Variants in MYO9A observed in about 807,000 individuals in gnomAD.
MYO9A encodes the protein unconventional myosin-IXa.
In MYO9A, 103 loss-of-function variants were observed where a neutral mutation model predicts 293.3. The ratio of observed to expected loss-of-function variants is 0.35; its 90% CI spans 0.30 to 0.41. MYO9A has a LOEUF of 0.41. MYO9A is among the 10% of genes least tolerant of loss of function. The pLI is 1.00. For synonymous variants in MYO9A, 1,001 were observed against 1,035.7 expected (o/e 0.97, Z 0.64); for missense variants, 2,685 against 3,033.0 (o/e 0.89, Z 2.69).
At chr15:71,956,330 A>AAAAAAAAAAAATATATATATAT (rs10642655) in intron 14 of MYO9A, among the ~76,000 whole-genome samples, 2 of 75,574 alleles carry the variant, frequency 2.6e-5, no homozygotes, top group African/African-American at 1.2e-4. Flanking sequence ...AAAAAAAAAA[A>AAAAAAAAAAAATATATATATAT]ATATATATAT....
rs79886602 is a variant in MYO9A at position 71,956,881 on chromosome 15, A to G, written c.2182+3020T>C. On this transcript the variant is annotated intron_variant, in intron 14 of 41. Coordinates refer to ENST00000356056, the MANE Select transcript of MYO9A (RefSeq NM_006901.4). ...CACAAATATATATATATATATATAT[A>G]TATCTTAATGCTTTCAAGGTTCATT... Among the ~76,000 whole-genome samples the G allele has an allele frequency of 2.0e-3, 258 of 129,298 alleles. 7 individuals are homozygous for G. The East Asian group carries it at 0.04, about 20-fold the overall frequency. The allele number at this position is 129,298 out of a possible 152,430, so 84.8% of individuals were successfully genotyped here.
rs1224541147 is a variant in MYO9A, at chr15:72,117,755, T to G, written c.-147A>C. The G allele has an allele frequency of 1.5e-5, 6 of 397,122 alleles. No individual in the cohort carries two copies. Among genetic ancestry groups the G allele is most frequent in the Admixed American group, 4.4e-5 (1 of 22,658 alleles). 24.6% of individuals were successfully genotyped at this position (397,122 alleles called of 1,614,324 possible). A position where few individuals can be genotyped will look rare whatever the true frequency, so the allele number is the denominator to read the frequency against. ...CTGCCTTCCACCCTCCGCCCCAGGG[T>G]AGGACCGGAGATGGCAGAAGAGGCC... On this transcript the variant is annotated 5_prime_UTR_variant, in exon 1 of 42. Transcript: ENST00000356056.
At chr15:72,105,474 G>A (rs958816268) in intron 1 of MYO9A, among the ~76,000 whole-genome samples, 3 of 147,622 alleles carry the variant, frequency 2.0e-5, no homozygotes, top group African/African-American at 7.5e-5. Flanking sequence ...CAACCTTACT[G>A]CCTCAGCCTC....
intron 1 of MYO9A, among the ~76,000 whole-genome samples, chr15:72,096,507 C>T (rs928264198): frequency 2.6e-5 from 4 of 152,180 alleles, no homozygotes; most frequent in African/African-American, 9.7e-5. Flanking sequence ...AATACTACTG[C>T]TTATTGACAA....
chr15:72,011,087 G>A (rs1421085661), intron 6 of MYO9A, among the ~76,000 whole-genome samples: 3 of 151,452 alleles, frequency 2.0e-5, no homozygotes, highest in African/African-American at 7.3e-5. Flanking sequence ...TTGGCTCACT[G>A]CAGCTTCGAC....
At chr15:71,963,806 G>A (rs1484034618) in intron 13 of MYO9A, among the ~76,000 whole-genome samples, 1 of 152,118 alleles carries the variant, frequency 6.6e-6, no homozygotes, top group African/African-American at 2.4e-5. Flanking sequence ...ATTATTTCTT[G>A]AGATCCATTA....
chr15:72,008,574 C>A (rs2077086985), intron 7 of MYO9A, among the ~76,000 whole-genome samples: 1 of 151,468 alleles, frequency 6.6e-6, no homozygotes, highest in African/African-American at 2.4e-5. Flanking sequence ...TTCATATGGA[C>A]CCTCCGTTAT....
intron 1 of MYO9A, among the ~76,000 whole-genome samples, chr15:72,060,724 T>G (rs1053189828): frequency 3.9e-5 from 6 of 152,186 alleles, no homozygotes; most frequent in Non-Finnish European, 8.8e-5. Context: ...CAAGCTAAAG[T>G]ACTCTGGGAT....
Position 72,019,075 on chromosome 15 carries a change from T to C in MYO9A, c.1119A>G (p.Arg373=). The part of the protein sequence containing the change: ...YLNQITKKPL[R]QSWDDYCYDS... ...CATAGCAATAATCATCCCAGCTCTGTCTGAGGGGTTTCTTTGTTATCTGAA... is the reference window on the plus strand; with the variant it reads ...CATAGCAATAATCATCCCAGCTCTGCCTGAGGGGTTTCTTTGTTATCTGAA... Residue 373 remains arginine (R), a synonymous_variant, in exon 6 of 42, where the codon AGA becomes AGG. Coordinates refer to ENST00000356056, the MANE Select transcript of MYO9A (RefSeq NM_006901.4). 6.2e-7 allele frequency: 1 copy of C among 1,613,824 alleles called. No individual in the cohort carries two copies. Among genetic ancestry groups the C allele is most frequent in the Non-Finnish European group, 8.5e-7 (1 of 1,179,812 alleles).
chr15:71,905,496 T>G (rs1316438916), intron 19 of MYO9A, among the ~76,000 whole-genome samples: 1 of 152,058 alleles, frequency 6.6e-6, no homozygotes. Context: ...ACTTTTTGAT[T>G]TGCTCAGCCC....
intron 8 of MYO9A, among the ~76,000 whole-genome samples, chr15:72,001,553 C>CAAAAAAAA (rs199812533): frequency 2.9e-5 from 3 of 102,498 alleles, no homozygotes; most frequent in African/African-American, 4.0e-5. Flanking sequence ...GACTCCATCT[C>CAAAAAAAA]AAAAAAAAAA....
In MYO9A at chr15:71,880,396, G is replaced by C; in HGVS notation, c.5561C>G (p.Ser1854Cys). 4.3e-6 allele frequency: 7 copies of C among 1,614,216 alleles called. No individual in the cohort carries two copies. The highest frequency in any genetic ancestry group is 2.2e-5 in the South Asian group (2 of 91,090). ...ACTGACACTTGCTATGATCTGGACAGAGTCATTTTGCCAATGCATAGAATC... is the reference window on the plus strand; with the variant it reads ...ACTGACACTTGCTATGATCTGGACACAGTCATTTTGCCAATGCATAGAATC... ...ALDSMHWQNDSVQIIASVSDL... is the reference protein window; with the variant it reads ...ALDSMHWQNDCVQIIASVSDL... The change falls in exon 29 of 42, where the codon TCT (serine) becomes TGT (cysteine). Residue 1854 changes from serine to cysteine, a missense_variant. This residue lies in a region of MYO9A where 1,434 missense variants were observed against 1,497.7 expected (regional missense o/e 0.96). Coordinates refer to ENST00000356056, the MANE Select transcript of MYO9A (RefSeq NM_006901.4).
At chr15:71,906,172 T>C (rs1268508838) in intron 19 of MYO9A, among the ~76,000 whole-genome samples, 1 of 152,198 alleles carries the variant, frequency 6.6e-6, no homozygotes, top group Non-Finnish European at 1.5e-5. Context: ...TTTAATTCTA[T>C]TATAAATACA....
In MYO9A at chr15:71,880,562, C is replaced by T; in HGVS notation, c.5399-4G>A. 6.2e-7 allele frequency: 1 copy of T among 1,611,294 alleles called. No individual in the cohort carries two copies. Among genetic ancestry groups the T allele is most frequent in the South Asian group, 1.1e-5 (1 of 90,882 alleles). The stretch of plus-strand genomic sequence containing the variant: ...GTTGGGTGATATGCAGCTAATTCTA[C>T]AATTCAAGATAGAAGACCCAAAAGG... On this transcript the variant is annotated splice_region_variant and splice_polypyrimidine_tract_variant and intron_variant, in intron 28 of 41. Coordinates refer to ENST00000356056, the MANE Select transcript of MYO9A (RefSeq NM_006901.4).
chr15:71,890,157 G>A (rs902739487), intron 26 of MYO9A: 1 of 152,140 alleles, frequency 6.6e-6, no homozygotes, highest in Non-Finnish European at 1.5e-5. Flanking sequence ...TTGATCAACA[G>A]GTTTTTCTGG....
chr15:71,997,469 G>A lies in MYO9A; in HGVS notation c.1470+2382C>T, dbSNP rs549294502. 6.1e-4 allele frequency among the ~76,000 whole-genome samples: 92 copies of A among 151,980 alleles called. No individual in the cohort carries two copies. The Middle Eastern group carries it at 0.01, about 17-fold the overall frequency. On this transcript the variant is annotated intron_variant, in intron 9 of 41. Transcript: ENST00000356056. ...CCAAAAATTAGCTGGGCATGGTGGC[G>A]GGCGCCTGTAATCCCAGCTACTCGG... is the stretch of plus-strand genomic sequence containing the variant.
chr15:71,993,662 T>C (rs1266212139), intron 10 of MYO9A: 2 of 152,018 alleles, frequency 1.3e-5, no homozygotes, highest in African/African-American at 2.4e-5. Context: ...ATTTTCAAAA[T>C]GTATCTATCC....
chr15:72,114,545 T>C (rs1393709150), intron 1 of MYO9A: 1 of 152,092 alleles, frequency 6.6e-6, no homozygotes, highest in African/African-American at 2.4e-5. Flanking sequence ...TTAATCAAGG[T>C]AGGAAATCGG....
At chr15:71,939,947 G>A (rs1414476712) in intron 15 of MYO9A, among the ~76,000 whole-genome samples, 1 of 152,184 alleles carries the variant, frequency 6.6e-6, no homozygotes, top group Non-Finnish European at 1.5e-5. Flanking sequence ...ATATACAGTG[G>A]TGGCCAGGTG....
Sources: allele counts gnomAD v4.1 joint callset (sites outside exome capture counted in the v4.1 genomes callset), GRCh38; gene constraint gnomAD v4.1.1; regional missense constraint gnomAD v4.1.1; transcripts MANE v1.5; gene names NCBI Gene and HGNC (gene_info 2026-07-23, HGNC 2026-07-21).